The following CNTN5 variants were observed in gnomAD, a reference collection of about 807,000 sequenced individuals.
CNTN5 encodes the protein contactin-5.
A neutral mutation model predicts 129.1 loss-of-function variants in CNTN5; 77 were observed. The ratio of observed to expected loss-of-function variants is 0.60; its 90% CI spans 0.50 to 0.72. The LOEUF (loss-of-function observed/expected upper bound fraction) is 0.72. Among genes scored for constraint, CNTN5 ranks in the 30% least tolerant of loss-of-function variants. The pLI is 0.00. For synonymous variants in CNTN5, 509 were observed against 465.6 expected, an observed-to-expected ratio of 1.09 and a Z score of -1.20; for missense variants, 1,478 against 1,328.8, an observed-to-expected ratio of 1.11 and a Z score of -1.75.
rs12286339 is a variant in CNTN5, at chr11:99,731,942, A to G, written c.56-87602A>G. Among the ~76,000 whole-genome samples the G allele has an allele frequency of 7.2e-3, 1,103 of 152,310 alleles. 19 individuals are homozygous for G. The highest frequency in any genetic ancestry group is 0.025 in the African/African-American group (1,040 of 41,562). On this transcript the variant is annotated intron_variant, in intron 3 of 24. Coordinates refer to ENST00000524871, the MANE Select transcript of CNTN5 (RefSeq NM_014361.4). ...GACATATGCATGCTAGAACAATAGGAGGAATTATTGGTGTCCATATTTAGA... is the reference window on the plus strand; with the variant it reads ...GACATATGCATGCTAGAACAATAGGGGGAATTATTGGTGTCCATATTTAGA...
At chr11:99,205,568 A>C (rs1336062614) in intron 1 of CNTN5, among the ~76,000 whole-genome samples, 3 of 152,216 alleles carry the variant, frequency 2.0e-5, no homozygotes, top group African/African-American at 7.2e-5. Flanking sequence ...AGGATGAATA[A>C]ATTCTGGAGA....
At chr11:100,121,415 TTTC>T (rs1327222491) in intron 13 of CNTN5, among the ~76,000 whole-genome samples, 3 of 151,978 alleles carry the variant, frequency 2.0e-5, no homozygotes, top group Non-Finnish European at 4.4e-5. Context: ...AGGAGATTTT[TTTC>T]TTCTTTGGTG....
intron 20 of CNTN5, among the ~76,000 whole-genome samples, chr11:100,301,393 T>G (rs1474849283): frequency 6.6e-6 from 1 of 151,592 alleles, no homozygotes; most frequent in African/African-American, 2.4e-5. Flanking sequence ...TTGAAATGGC[T>G]TGCCTTTGGA....
At chr11:99,984,722 G>C (rs917704272) in intron 8 of CNTN5, among the ~76,000 whole-genome samples, 1 of 152,160 alleles carries the variant, frequency 6.6e-6, no homozygotes, top group Admixed American at 6.5e-5. Context: ...TTAGAATACA[G>C]CATATTTGGA....
intron 3 of CNTN5, among the ~76,000 whole-genome samples, chr11:99,707,338 G>T (rs1242916590): frequency 2.0e-5 from 3 of 151,372 alleles, no homozygotes; most frequent in Non-Finnish European, 4.4e-5. Context: ...TTAACATATT[G>T]TCCTAAACTA....
rs201014777 is a variant in CNTN5, at chr11:100,299,390, G to A, written c.2614G>A (p.Glu872Lys). The stretch of plus-strand genomic sequence containing the variant: ...TCAAATTGTGGTCATCTGTTCAGCT[G>A]AAGGAGGTCAGTTTTTTTATTCCTA... ...FSQIVVICSA[E>K]GEPSAAPTDV... The change falls in exon 20 of 25, where the codon GAA (glutamate) becomes AAA (lysine). Residue 872 changes from glutamate (E) to lysine (K), a missense_variant. Coordinates refer to ENST00000524871, the MANE Select transcript of CNTN5 (RefSeq NM_014361.4). 1 of 1,578,000 alleles carries A rather than the reference G, an allele frequency of 6.3e-7. No individual in the cohort carries two copies. The highest frequency in any genetic ancestry group is 8.6e-7 in the Non-Finnish European group (1 of 1,163,354).
At chr11:99,838,077 A>G (rs1401485515) in intron 4 of CNTN5, among the ~76,000 whole-genome samples, 1 of 152,182 alleles carries the variant, frequency 6.6e-6, no homozygotes, top group East Asian at 1.9e-4. Flanking sequence ...TCTTGAGTAA[A>G]GTATGTCTAT....
At chr11:99,502,543 A>G (rs1946465526) in intron 2 of CNTN5, among the ~76,000 whole-genome samples, 1 of 152,124 alleles carries the variant, frequency 6.6e-6, no homozygotes, top group Non-Finnish European at 1.5e-5. Flanking sequence ...CTTGAGAGGA[A>G]GGTGCCTTGC....
At chr11:100,324,948 G>T (rs778404282) in intron 21 of CNTN5, among the ~76,000 whole-genome samples, 3 of 152,188 alleles carry the variant, frequency 2.0e-5, no homozygotes, top group Non-Finnish European at 4.4e-5. Context: ...TAACTAATAT[G>T]CATGCAATTT....
At chr11:99,839,356 T>G (rs1947405359) in intron 4 of CNTN5, among the ~76,000 whole-genome samples, 1 of 152,196 alleles carries the variant, frequency 6.6e-6, no homozygotes, top group Non-Finnish European at 1.5e-5. Context: ...TGACTCAGGA[T>G]ACTTCAGAAC....
chr11:99,901,337 C>G (rs1286794326), intron 6 of CNTN5, among the ~76,000 whole-genome samples: 1 of 151,814 alleles, frequency 6.6e-6, no homozygotes, highest in East Asian at 1.9e-4. Flanking sequence ...GTTGGTCAGG[C>G]TGGAGTGCAG....
At chr11:99,762,583 C>T (rs867130400) in intron 3 of CNTN5, among the ~76,000 whole-genome samples, 70 of 151,894 alleles carry the variant, frequency 4.6e-4, no homozygotes, top group Non-Finnish European at 7.7e-4. Context: ...TGTAGATATG[C>T]GGCGTTATTT....
chr11:100,142,706 G>A (rs1946733166), intron 13 of CNTN5, among the ~76,000 whole-genome samples: 1 of 152,004 alleles, frequency 6.6e-6, no homozygotes, highest in East Asian at 1.9e-4. Context: ...GGATGCTACT[G>A]TGTTTCTTGG....
At chr11:99,697,755 C>T (rs1415093493) in intron 3 of CNTN5, among the ~76,000 whole-genome samples, 1 of 151,436 alleles carries the variant, frequency 6.6e-6, no homozygotes, top group Non-Finnish European at 1.5e-5. Flanking sequence ...ATACTAGAAA[C>T]CAAGTGTGGG....
chr11:100,116,251 C>T (rs1329252371), intron 13 of CNTN5, among the ~76,000 whole-genome samples: 1 of 152,016 alleles, frequency 6.6e-6, no homozygotes, highest in Non-Finnish European at 1.5e-5. Context: ...ACTCAACAAA[C>T]AGCAGTTTTA....
At chr11:99,922,613 C>T (rs1949966701) in intron 7 of CNTN5, among the ~76,000 whole-genome samples, 1 of 152,208 alleles carries the variant, frequency 6.6e-6, no homozygotes, top group East Asian at 1.9e-4. Context: ...CATTTTGTTT[C>T]CCAATCTTGT....
chr11:99,742,536 T>C (rs1249783469), intron 3 of CNTN5, among the ~76,000 whole-genome samples: 5 of 152,138 alleles, frequency 3.3e-5, no homozygotes, highest in Non-Finnish European at 7.4e-5. Flanking sequence ...GAAAAAACAA[T>C]CTCTTGGGCT....
At chr11:99,054,917 A>G (rs984235744) in intron 1 of CNTN5, among the ~76,000 whole-genome samples, 1 of 151,978 alleles carries the variant, frequency 6.6e-6, no homozygotes, top group African/African-American at 2.4e-5. Context: ...AACAAAAATT[A>G]TTTGCAAATT....
intron 6 of CNTN5, among the ~76,000 whole-genome samples, chr11:99,863,291 T>C (rs548582891): frequency 2.0e-5 from 3 of 152,100 alleles, no homozygotes; most frequent in East Asian, 3.9e-4. Context: ...TAATATAGAA[T>C]GGGAAGTAGA....
Sources: allele counts gnomAD v4.1 joint callset (sites outside exome capture counted in the v4.1 genomes callset), GRCh38; gene constraint gnomAD v4.1.1; transcripts MANE v1.5; gene names NCBI Gene and HGNC (gene_info 2026-07-23, HGNC 2026-07-21).